RGS6: variants seen among roughly 807,000 people sequenced by gnomAD.
The protein encoded by RGS6 is regulator of G protein signaling 6.
A neutral mutation model predicts 78.5 loss-of-function variants in RGS6; 30 were observed. The observed-to-expected ratio is 0.38, with a 90% CI of 0.29 to 0.52. The LOEUF (loss-of-function observed/expected upper bound fraction) is 0.52, where lower values mean the gene tolerates loss of function less well. Ranked by LOEUF, RGS6 falls within the 20% of genes least tolerant of loss-of-function variation. RGS6 has a pLI of 0.85. For missense variants in RGS6, 495 were observed against 609.7 expected, an observed-to-expected ratio of 0.81 and a Z score of 1.98; for synonymous variants, 206 against 206.0, an observed-to-expected ratio of 1.00 and a Z score of 0.00.
intron 13 of RGS6, among the ~76,000 whole-genome samples, chr14:72,507,928 C>T (rs2153440950): frequency 6.6e-6 from 1 of 152,342 alleles, no homozygotes; most frequent in South Asian, 2.1e-4. Context: ...CTTAAATTTA[C>T]TGCCAGCCTC....
intron 2 of RGS6, among the ~76,000 whole-genome samples, chr14:72,315,997 G>C (rs1035881037): frequency 6.6e-6 from 1 of 152,162 alleles, no homozygotes; most frequent in South Asian, 2.1e-4. Flanking sequence ...ACACAGTTCT[G>C]TCCAACCATG....
chr14:72,567,889 C>T (rs1362918318), downstream of RGS6, among the ~76,000 whole-genome samples: 1 of 152,254 alleles, frequency 6.6e-6, no homozygotes, highest in Non-Finnish European at 1.5e-5. Context: ...ACACCTGCAG[C>T]TGGGCCCGTT....
intron 2 of RGS6, among the ~76,000 whole-genome samples, chr14:72,205,336 T>C (rs896724318): frequency 6.6e-6 from 1 of 152,226 alleles, no homozygotes; most frequent in Non-Finnish European, 1.5e-5. Flanking sequence ...CCTGGTGAGC[T>C]GTCCTGTGCA....
chr14:72,440,458 A>G (rs1597542517), intron 3 of RGS6, among the ~76,000 whole-genome samples: 1 of 139,290 alleles, frequency 7.2e-6, no homozygotes, highest in Non-Finnish European at 1.5e-5. Flanking sequence ...TCTGTTGCCC[A>G]GGTTGGAGTG....
the RGS6 span, among the ~76,000 whole-genome samples, chr14:72,574,887 C>T: frequency 2.0e-5 from 3 of 151,958 alleles, no homozygotes; most frequent in South Asian, 2.1e-4. Flanking sequence ...GTCATGATGG[C>T]GCAAACCAGG....
intron 2 of RGS6, among the ~76,000 whole-genome samples, chr14:72,113,167 G>A (rs1193420736): frequency 2.6e-5 from 4 of 152,192 alleles, no homozygotes; most frequent in Non-Finnish European, 5.9e-5. Context: ...CAAGCCCCCC[G>A]ACATGTGGAT....
At chr14:72,047,910 T>G (rs1192007408) in intron 2 of RGS6, among the ~76,000 whole-genome samples, 1 of 148,216 alleles carries the variant, frequency 6.7e-6, no homozygotes, top group Non-Finnish European at 1.5e-5. Flanking sequence ...TTTTTTTTTT[T>G]TTTTTTTTTT....
chr14:72,023,614 G>A (rs2089208076), intron 2 of RGS6, among the ~76,000 whole-genome samples: 1 of 152,190 alleles, frequency 6.6e-6, no homozygotes, highest in African/African-American at 2.4e-5. Flanking sequence ...GGGAAGGAAA[G>A]CATTAGAATA....
chr14:72,202,945 T>G (rs1478220071), intron 2 of RGS6, among the ~76,000 whole-genome samples: 1 of 152,028 alleles, frequency 6.6e-6, no homozygotes, highest in African/African-American at 2.4e-5. Flanking sequence ...CCATCTCTGC[T>G]CACTGCAAGC....
chr14:72,254,876 C>G (rs1205763353), intron 2 of RGS6, among the ~76,000 whole-genome samples: 1 of 152,188 alleles, frequency 6.6e-6, no homozygotes, highest in Non-Finnish European at 1.5e-5. Context: ...TTTTCTCTAC[C>G]AACACCTACA....
At chr14:72,302,941 G>T (rs902454419) in intron 2 of RGS6, among the ~76,000 whole-genome samples, 17 of 152,164 alleles carry the variant, frequency 1.1e-4, no homozygotes, top group African/African-American at 4.1e-4. Context: ...TTTTAGAAAG[G>T]GCTGTTCCCC....
intron 2 of RGS6, among the ~76,000 whole-genome samples, chr14:71,971,243 A>C (rs1274168049): frequency 1.3e-5 from 2 of 152,186 alleles, no homozygotes; most frequent in Non-Finnish European, 2.9e-5. Flanking sequence ...CTACATTTAC[A>C]GGGCTCCTGT....
At chr14:71,867,816 TA>T in the RGS6 span, among the ~76,000 whole-genome samples, 1 of 151,982 alleles carries the variant, frequency 6.6e-6, no homozygotes. Flanking sequence ...GTTGATGAGG[TA>T]GGGGATGTGG....
intron 17 of RGS6, chr14:72,550,465 A>ACTGTCAAGCAAG: frequency 6.5e-7 from 1 of 1,535,612 alleles, no homozygotes; most frequent in Non-Finnish European, 8.7e-7. Context: ...GAAAAGACAG[A>ACTGTCAAGCAAG]CTGTCAAGCA....
intron 2 of RGS6, among the ~76,000 whole-genome samples, chr14:72,102,656 A>G (rs1224250171): frequency 6.6e-6 from 1 of 152,204 alleles, no homozygotes; most frequent in Non-Finnish European, 1.5e-5. Context: ...TCCTTGGTCT[A>G]AAGGCCAGTG....
At chr14:72,397,126 T>C (rs1012904618) in intron 3 of RGS6, among the ~76,000 whole-genome samples, 1 of 152,192 alleles carries the variant, frequency 6.6e-6, no homozygotes, top group Non-Finnish European at 1.5e-5. Flanking sequence ...AATCTATAAA[T>C]TACCTTGGGC....
chr14:72,592,624 GTGAAGAAAATTTATT>G, the RGS6 span, among the ~76,000 whole-genome samples: 1 of 152,248 alleles, frequency 6.6e-6, no homozygotes, highest in Non-Finnish European at 1.5e-5. Context: ...GAGAAGATTT[GTGAAGAAAATTTATT>G]TGGAAAAAAA....
intron 2 of RGS6, among the ~76,000 whole-genome samples, chr14:72,179,704 T>C (rs1251612078): frequency 7.4e-6 from 1 of 134,744 alleles, no homozygotes; most frequent in East Asian, 2.4e-4. Context: ...GTTATACTTT[T>C]AGGTTATTTG....
chr14:72,303,266 G>A (rs1025848312), intron 2 of RGS6, among the ~76,000 whole-genome samples: 21 of 152,246 alleles, frequency 1.4e-4, no homozygotes, highest in East Asian at 1.4e-3. Context: ...TTTGGGAGGC[G>A]GATGCGGGTG....
Sources: gnomAD v4.1 joint callset for allele counts (sites outside exome capture counted in the v4.1 genomes callset) on GRCh38, gnomAD v4.1.1 for gene constraint, MANE v1.5 for transcripts, NCBI Gene and HGNC (gene_info 2026-07-23, HGNC 2026-07-21) for gene names.